ECH1: variants seen among roughly 807,000 people sequenced by gnomAD.
The protein encoded by ECH1 is delta(3,5)-Delta(2,4)-dienoyl-CoA isomerase, mitochondrial.
A neutral mutation model predicts 37.0 loss-of-function variants in ECH1; 30 were observed. The observed-to-expected ratio is 0.81, with a 90% CI of 0.61 to 1.10. The LOEUF is 1.10. Among genes scored for constraint, ECH1 ranks in the 50% least tolerant of loss-of-function variants. The pLI is 0.00. For synonymous variants in ECH1, 178 were observed against 176.0 expected (o/e 1.01, Z -0.09); for missense variants, 456 against 441.6 (o/e 1.03, Z -0.29).
intron 3 of ECH1, among the ~76,000 whole-genome samples, chr19:38,819,845 C>T (rs543968864): frequency 2.0e-5 from 3 of 151,896 alleles, no homozygotes; most frequent in Non-Finnish European, 2.9e-5. Context: ...CCAGCACTTT[C>T]GGAGGCTGAG....
At chr19:38,829,826 A>G (rs1024967432) in intron 3 of ECH1, among the ~76,000 whole-genome samples, 7 of 151,988 alleles carry the variant, frequency 4.6e-5, no homozygotes, top group Admixed American at 2.6e-4. Context: ...AAAAAAAAAA[A>G]AAAGAAAGAA....
At chr19:38,824,105 T>G (rs1343035201) in intron 3 of ECH1, among the ~76,000 whole-genome samples, 2 of 152,160 alleles carry the variant, frequency 1.3e-5, no homozygotes, top group African/African-American at 4.8e-5. Context: ...GGACAAAAGG[T>G]GTCACTCTTC....
Position 38,816,304 on chromosome 19 carries a change from G to A in ECH1, c.711C>T (p.Ala237=), listed in dbSNP as rs2229260. Residue 237 remains alanine, a synonymous_variant, in exon 8 of 10, where the codon GCC becomes GCT. Coordinates refer to ENST00000221418, the MANE Select transcript of ECH1 (RefSeq NM_001398.3). ...CCTACCTGACCAGCCCACTGCCCAGGGCCTCGTCAGCCATCATCTTGCGGG... is the reference window on the plus strand; with the variant it reads ...CCTACCTGACCAGCCCACTGCCCAGAGCCTCGTCAGCCATCATCTTGCGGG... ...FTARKMMADE[A]LGSGLVSRVF... is the part of the protein sequence containing the mutation. 223 of 1,613,466 alleles carry A rather than the reference G, an allele frequency of 1.4e-4. 2 individuals carry two copies. In the African/African-American group the frequency reaches 2.3e-3, roughly 16 times the overall value.
At position 38,831,407 on chromosome 19, in the gene ECH1, G is replaced by A; in HGVS notation, c.162C>T (p.Ser54=). ...GVALGEAPDH[S]YESLRVTSAQ... ...CAGACGTCACACGAAGGGACTCATA[G>A]CTGTGGTCTGGGGCTTCACCGAGGG... Residue 54 remains serine (S), a synonymous_variant, in exon 2 of 10, where the codon AGC becomes AGT. Coordinates refer to ENST00000221418, the MANE Select transcript of ECH1 (RefSeq NM_001398.3). The A allele has an allele frequency of 6.2e-7, 1 of 1,614,060 alleles. No individual in the cohort carries two copies. Among genetic ancestry groups the A allele is most frequent in the East Asian group, 2.2e-5 (1 of 44,880 alleles).
At chr19:38,830,928 C>T (rs554134721) in intron 3 of ECH1, 150 bp downstream of exon 3, 5 of 665,014 alleles carry the variant, frequency 7.5e-6, no homozygotes, top group South Asian at 1.9e-5. Flanking sequence ...TGCACTCCAG[C>T]GTGGCAACAG....
Position 38,815,880 on chromosome 19 carries a change from C to A in ECH1, c.859G>T (p.Val287Leu). 9.3e-6 allele frequency: 15 copies of A among 1,614,166 alleles called. No homozygotes were observed. The highest frequency in any genetic ancestry group is 1.3e-5 in the Non-Finnish European group (15 of 1,180,028). The change falls in exon 9 of 10, where the codon GTG becomes TTG. Residue 287 changes from valine to leucine, a missense_variant. Transcript: ENST00000221418. Reference sequence around the variant, plus strand: ...ACCACGTAGTTGAGGCTCTCGGCCACCGAATGGTCGCGGGAATACAGCAGG... The same window carrying A: ...ACCACGTAGTTGAGGCTCTCGGCCAACGAATGGTCGCGGGAATACAGCAGG... The part of the protein sequence containing the change: ...VNLLYSRDHS[V>L]AESLNYVASW...
At chr19:38,830,798 C>T (rs1971807862) in intron 3 of ECH1, 1 of 428,618 alleles carries the variant, frequency 2.3e-6, no homozygotes, top group African/African-American at 2.0e-5. Context: ...TATGGTGAAA[C>T]CCCGTCTCTA....
chr19:38,817,489 T>C lies in ECH1; in HGVS notation c.436A>G (p.Ile146Val). Reference protein sequence around the residue: ...ARISWYLRDIITRYQETFNVI... With the variant: ...ARISWYLRDIVTRYQETFNVI... Reference sequence around the variant, plus strand: ...TTGAAGGTCTCCTGGTATCGAGTGATGATGTCACGGAGGTACCAGCTGATC... The same window carrying C: ...TTGAAGGTCTCCTGGTATCGAGTGACGATGTCACGGAGGTACCAGCTGATC... Residue 146 changes from isoleucine to valine, a missense_variant, in exon 4 of 10, where the codon ATC becomes GTC. Transcript: ENST00000221418. The C allele has an allele frequency of 6.2e-7, 1 of 1,613,914 alleles. No individual in the cohort carries two copies. The highest frequency in any genetic ancestry group is 8.5e-7 in the Non-Finnish European group (1 of 1,179,950).
intron 3 of ECH1, chr19:38,823,107 C>T (rs1376160977): frequency 6.5e-6 from 1 of 153,968 alleles, no homozygotes; most frequent in Non-Finnish European, 1.4e-5. Flanking sequence ...AGCTTCATTC[C>T]TGAAGCCAGC....
chr19:38,822,359 G>A (rs557113845), intron 3 of ECH1, among the ~76,000 whole-genome samples: 1 of 150,220 alleles, frequency 6.7e-6, no homozygotes, highest in African/African-American at 2.5e-5. Flanking sequence ...GACTCTTTAT[G>A]TCTAGCTAAG....
At chr19:38,818,901 CTG>C (rs761871749) in intron 3 of ECH1, among the ~76,000 whole-genome samples, 2,023 of 133,518 alleles carry the variant, frequency 0.015, 44 homozygotes, top group African/African-American at 0.05. Flanking sequence ...GCCTCCAACT[CTG>C]TGTGTGTGTG....
chr19:38,821,058 C>T (rs1287394561), intron 3 of ECH1, among the ~76,000 whole-genome samples: 1 of 152,162 alleles, frequency 6.6e-6, no homozygotes, highest in Non-Finnish European at 1.5e-5. Context: ...GCAGGAGGAT[C>T]GCTTTAGATC....
At position 38,818,102 on chromosome 19, in the gene ECH1, C is replaced by T. The variant is rs186708080; in HGVS notation, c.350-527G>A. 879 of 565,198 alleles carry T rather than the reference C, an allele frequency of 1.6e-3. 3 individuals carry two copies. Among genetic ancestry groups the T allele is most frequent in the Admixed American group, 5.5e-3 (87 of 15,764 alleles). The allele number at this position is 565,198 out of a possible 1,614,324, so 35.0% of individuals were successfully genotyped here. On this transcript the variant is annotated intron_variant, in intron 3 of 9. Coordinates refer to ENST00000221418, the MANE Select transcript of ECH1 (RefSeq NM_001398.3). ...TGAACTCCTGGGCTCAAGCGATCCT[C>T]CCACCTTGGCATCCCAAAGCACTGG...
chr19:38,816,395 C>T lies in ECH1; in HGVS notation c.660-40G>A, dbSNP rs143909362. 1,675 of 1,613,860 alleles carry T rather than the reference C, an allele frequency of 1.0e-3. 18 individuals carry two copies. In the African/African-American group the frequency reaches 0.019, roughly 19 times the overall value. Reference sequence around the variant, plus strand: ...GTGCATCAGGAGGCGGCTGCCACCCCGGGGCTGGGAGATGCTCTGGGGTCT... The same window carrying T: ...GTGCATCAGGAGGCGGCTGCCACCCTGGGGCTGGGAGATGCTCTGGGGTCT... On this transcript the variant is annotated intron_variant, in intron 7 of 9. Transcript: ENST00000221418.
At chr19:38,826,658 T>G (rs984578521) in intron 3 of ECH1, among the ~76,000 whole-genome samples, 6 of 152,190 alleles carry the variant, frequency 3.9e-5, no homozygotes, top group Non-Finnish European at 8.8e-5. Context: ...TTCTTCTGTA[T>G]TCCCCTACAC....
intron 3 of ECH1, among the ~76,000 whole-genome samples, chr19:38,823,949 C>G: frequency 6.6e-6 from 1 of 152,164 alleles, no homozygotes; most frequent in East Asian, 1.9e-4. Flanking sequence ...ATCAGAAAGA[C>G]ATAATTTTTG....
chr19:38,818,930 T>TGTGTGC lies in ECH1; in HGVS notation c.350-1356_350-1355insGCACAC, dbSNP rs1555721666. Among the ~76,000 whole-genome samples the TGTGTGC allele has an allele frequency of 9.2e-5, 10 of 108,996 alleles. 1 individual carries two copies. The highest frequency in any genetic ancestry group is 5.3e-3 in the Middle Eastern group (1 of 188). 71.5% of individuals were successfully genotyped at this position (108,996 alleles called of 152,430 possible). A position where few individuals can be genotyped will look rare whatever the true frequency, so the allele number is the denominator to read the frequency against. ...GTGTGTGTGTGTGTGTGTGTGTGTG[T>TGTGTGC]GTGCACTGTTCCCAACCTGTTACTT... On this transcript the variant is annotated intron_variant, in intron 3 of 9. Transcript: ENST00000221418.
intron 3 of ECH1, among the ~76,000 whole-genome samples, chr19:38,819,670 G>A (rs375506116): frequency 6.6e-6 from 1 of 152,102 alleles, no homozygotes; most frequent in African/African-American, 2.4e-5. Context: ...TTGGGGCTGG[G>A]CGTAGTGGCT....
rs1237033961 is a variant in ECH1 at position 38,819,298 on chromosome 19, C to G, written c.350-1723G>C. 3 of 832,042 alleles carry G rather than the reference C, an allele frequency of 3.6e-6. No individual in the cohort carries two copies. In the African/African-American group the frequency reaches 5.6e-5, roughly 15 times the overall value. The allele number at this position is 832,042 out of a possible 1,614,324, so 51.5% of individuals were successfully genotyped here. On this transcript the variant is annotated intron_variant, in intron 3 of 9. Coordinates refer to ENST00000221418, the MANE Select transcript of ECH1 (RefSeq NM_001398.3). ...TTTGGGCTGACAACCATCCCTCCCT[C>G]TTCAACAGCCACAGACTGACTCCTT...
Sources: allele counts gnomAD v4.1 joint callset (sites outside exome capture counted in the v4.1 genomes callset), GRCh38; gene constraint gnomAD v4.1.1; transcripts MANE v1.5; gene names NCBI Gene and HGNC (gene_info 2026-07-23, HGNC 2026-07-21).